The following DGKI variants were observed in gnomAD, a reference collection of about 807,000 sequenced individuals.
DGKI encodes DAG kinase iota.
In DGKI, 55 loss-of-function variants were observed where a neutral mutation model predicts 147.5. The ratio of observed to expected loss-of-function variants is 0.37; its 90% CI spans 0.30 to 0.47. The LOEUF (loss-of-function observed/expected upper bound fraction) is 0.47, where lower values mean the gene tolerates loss of function less well. Ranked by LOEUF, DGKI falls within the 20% of genes least tolerant of loss-of-function variation. DGKI has a pLI of 1.00. For missense variants in DGKI, 1,007 were observed against 1,323.8 expected, an observed-to-expected ratio of 0.76 and a Z score of 3.71; for synonymous variants, 469 against 477.1, an observed-to-expected ratio of 0.98 and a Z score of 0.22.
chr7:137,473,421 T>C (rs139910514), intron 23 of DGKI, among the ~76,000 whole-genome samples: 1 of 152,174 alleles, frequency 6.6e-6, no homozygotes, highest in African/African-American at 2.4e-5. Flanking sequence ...AGATTTGGTA[T>C]GTCTATGTGT....
At chr7:137,838,971 C>T (rs1798470552) in intron 1 of DGKI, among the ~76,000 whole-genome samples, 1 of 152,204 alleles carries the variant, frequency 6.6e-6, no homozygotes, top group African/African-American at 2.4e-5. Flanking sequence ...AGAGAAATAA[C>T]CTCTGTCCTG....
At chr7:137,436,106 T>C (rs1014691454) in intron 28 of DGKI, among the ~76,000 whole-genome samples, 17 of 152,150 alleles carry the variant, frequency 1.1e-4, no homozygotes, top group African/African-American at 4.1e-4. Context: ...TCTTTACTCG[T>C]AGTCATCATG....
intron 1 of DGKI, among the ~76,000 whole-genome samples, chr7:137,788,602 G>A (rs988263130): frequency 1.3e-5 from 2 of 149,288 alleles, no homozygotes; most frequent in Middle Eastern, 3.2e-3. Flanking sequence ...GGTCTAGATT[G>A]GTTGGAATGC....
intron 20 of DGKI, among the ~76,000 whole-genome samples, chr7:137,525,710 T>G (rs902154620): frequency 1.7e-4 from 26 of 152,194 alleles, no homozygotes; most frequent in African/African-American, 5.8e-4. Context: ...CCTGGCACAT[T>G]GTCAGTGCTC....
chr7:137,717,319 G>A (rs901778925), intron 1 of DGKI, among the ~76,000 whole-genome samples: 1 of 152,148 alleles, frequency 6.6e-6, no homozygotes, highest in Non-Finnish European at 1.5e-5. Flanking sequence ...GGAAAAGGAA[G>A]AGGAAAAATT....
chr7:137,684,996 C>A (rs1823368912), intron 2 of DGKI, among the ~76,000 whole-genome samples: 1 of 152,218 alleles, frequency 6.6e-6, no homozygotes, highest in African/African-American at 2.4e-5. Context: ...TTCAAGGTTT[C>A]TAAAGATAAG....
intron 1 of DGKI, among the ~76,000 whole-genome samples, chr7:137,733,833 T>C (rs1208326255): frequency 6.6e-6 from 1 of 152,084 alleles, no homozygotes; most frequent in African/African-American, 2.4e-5. Context: ...CTCTGAGCAA[T>C]GATTTGTAAG....
intron 20 of DGKI, among the ~76,000 whole-genome samples, chr7:137,540,762 C>CAAACAA (rs1817667552): frequency 1.7e-5 from 1 of 58,400 alleles, no homozygotes; most frequent in Non-Finnish European, 2.9e-5. Flanking sequence ...AAAACCCCCC[C>CAAACAA]AAAAAAAAAA....
At chr7:137,578,994 C>T (rs1046265497) in intron 15 of DGKI, among the ~76,000 whole-genome samples, 12 of 152,110 alleles carry the variant, frequency 7.9e-5, no homozygotes, top group African/African-American at 2.9e-4. Flanking sequence ...TACATCTGTG[C>T]TAAAAATTCT....
At chr7:137,682,515 T>C (rs1390480463) in intron 2 of DGKI, among the ~76,000 whole-genome samples, 1 of 152,166 alleles carries the variant, frequency 6.6e-6, no homozygotes, top group Non-Finnish European at 1.5e-5. Context: ...AGTTAATAGA[T>C]GTTCATTATA....
At chr7:137,822,561 A>G (rs926248479) in intron 1 of DGKI, among the ~76,000 whole-genome samples, 2 of 152,182 alleles carry the variant, frequency 1.3e-5, no homozygotes, top group Admixed American at 6.6e-5. Context: ...CCCACGGTGA[A>G]GCATAAGTCA....
chr7:137,580,977 A>T (rs1025741561), intron 15 of DGKI, among the ~76,000 whole-genome samples: 3 of 152,136 alleles, frequency 2.0e-5, no homozygotes, highest in African/African-American at 4.8e-5. Context: ...CACTAGGTAC[A>T]GATATAGATA....
chr7:137,690,966 A>C (rs2116458312), intron 1 of DGKI, among the ~76,000 whole-genome samples: 1 of 152,314 alleles, frequency 6.6e-6, no homozygotes, highest in Middle Eastern at 3.4e-3. Context: ...TAGAGCTTAA[A>C]CATGAGCGCT....
At chr7:137,821,909 C>T (rs998281869) in intron 1 of DGKI, among the ~76,000 whole-genome samples, 5 of 152,242 alleles carry the variant, frequency 3.3e-5, no homozygotes, top group Middle Eastern at 6.8e-3. Context: ...CAGGAAGAAT[C>T]CTTTCTAGAG....
intron 1 of DGKI, among the ~76,000 whole-genome samples, chr7:137,760,526 C>G (rs1795825735): frequency 6.6e-6 from 1 of 152,124 alleles, no homozygotes; most frequent in African/African-American, 2.4e-5. Context: ...CCACTCTAGT[C>G]TACTGGATTT....
intron 10 of DGKI, among the ~76,000 whole-genome samples, chr7:137,608,708 G>C (rs1217399455): frequency 1.3e-5 from 2 of 152,138 alleles, no homozygotes; most frequent in African/African-American, 4.8e-5. Flanking sequence ...AATCTGTAAG[G>C]AAAAAGTCAG....
chr7:137,585,455 A>T (rs1585256800), intron 13 of DGKI, 109 bp from the exon 14 acceptor site: 1 of 1,396,736 alleles, frequency 7.2e-7, no homozygotes, highest in Non-Finnish European at 9.6e-7. Flanking sequence ...TTTTATAATT[A>T]GCAAGGTTTG....
At chr7:137,767,745 A>G (rs921147030) in intron 1 of DGKI, among the ~76,000 whole-genome samples, 2 of 152,218 alleles carry the variant, frequency 1.3e-5, no homozygotes, top group African/African-American at 2.4e-5. Context: ...TACTACCTAC[A>G]TGACTTTGGA....
chr7:137,785,247 A>T (rs907103156), intron 1 of DGKI, among the ~76,000 whole-genome samples: 2 of 152,146 alleles, frequency 1.3e-5, no homozygotes, highest in African/African-American at 4.8e-5. Flanking sequence ...AACCAAGAAA[A>T]GAAGAAAGAA....
Sources: allele counts gnomAD v4.1 joint callset (sites outside exome capture counted in the v4.1 genomes callset), GRCh38; gene constraint gnomAD v4.1.1; transcripts MANE v1.5; gene names NCBI Gene and HGNC (gene_info 2026-07-23, HGNC 2026-07-21).